Variants in RAB22A observed in about 807,000 individuals in gnomAD.
RAB22A encodes the protein ras-related protein Rab-22A.
Under a neutral mutation model 30.2 loss-of-function variants are expected in RAB22A, and 13 were observed. The ratio of observed to expected loss-of-function variants is 0.43; its 90% confidence interval spans 0.28 to 0.68. RAB22A has a LOEUF of 0.68. Among genes scored for constraint, RAB22A ranks in the 30% least tolerant of loss-of-function variants. The pLI, the probability that RAB22A is intolerant of heterozygous loss-of-function variation, is 0.18. For missense variants in RAB22A, 177 were observed against 246.8 expected (o/e 0.72, Z 1.89); for synonymous variants, 89 against 87.2 (o/e 1.02, Z -0.11).
intron 2 of RAB22A, among the ~76,000 whole-genome samples, chr20:58,336,155 G>A (rs751489117): frequency 6.6e-5 from 10 of 151,962 alleles, no homozygotes; most frequent in African/African-American, 1.2e-4. Context: ...AATTATAGGC[G>A]CCCACCACGA....
Position 58,309,961 on chromosome 20 carries a change from C to G in RAB22A, c.-16C>G, listed in dbSNP as rs754118529. On this transcript the variant is annotated 5_prime_UTR_variant, in exon 1 of 7. Coordinates refer to ENST00000244040, the MANE Select transcript of RAB22A (RefSeq NM_020673.3). ...ACTTAGGGCGGCGGCGGGCCCGCGC[C>G]CCTGGCTCCCGGGCCATGGCGCTGA... 1.7e-4 allele frequency: 212 copies of G among 1,264,152 alleles called. No homozygotes were observed. Among genetic ancestry groups the G allele is most frequent in the Non-Finnish European group, 2.1e-4 (209 of 997,052 alleles). The allele number at this position is 1,264,152 out of a possible 1,614,324, so 78.3% of individuals were successfully genotyped here. A position where few individuals can be genotyped will look rare whatever the true frequency, so the allele number is the denominator to read the frequency against.
At chr20:58,338,461 C>G (rs559212610) in intron 2 of RAB22A, among the ~76,000 whole-genome samples, 2 of 152,324 alleles carry the variant, frequency 1.3e-5, no homozygotes, top group East Asian at 3.9e-4. Context: ...GTGCACCACT[C>G]TGCTTTAAGT....
At position 58,362,440 on chromosome 20, in the gene RAB22A, T is replaced by A. The variant is rs544374195; in HGVS notation, c.*2737T>A. The stretch of plus-strand genomic sequence containing the variant: ...TGAGACATACTCCCATCTATAAACA[T>A]GTTTGGTTTTCTTACGATACAGGGC... On this transcript the variant is annotated 3_prime_UTR_variant, in exon 7 of 7. Coordinates refer to ENST00000244040, the MANE Select transcript of RAB22A (RefSeq NM_020673.3). The A allele has an allele frequency of 5.3e-5, 8 of 152,324 alleles. No homozygotes were observed. The South Asian group carries it at 8.3e-4, about 16-fold the overall frequency. The allele number at this position is 152,324 out of a possible 1,614,324, so 9.4% of individuals were successfully genotyped here.
rs147065307 is a variant in RAB22A, at chr20:58,323,651, T to C, written c.116+12529T>C. Among the ~76,000 whole-genome samples the C allele has an allele frequency of 1.3e-4, 20 of 151,436 alleles. No homozygotes were observed. The South Asian group carries it at 2.9e-3, about 22-fold the overall frequency. On this transcript the variant is annotated intron_variant, in intron 2 of 6. Transcript: ENST00000244040. ...TTTTTTTTTCTTTTTTTTTTTCTTT[T>C]AAGAGACATGGTGTCACTATGTTGT...
Position 58,359,822 on chromosome 20 carries a change from A to AG in RAB22A, c.*121dup, listed in dbSNP as rs1424737942. On this transcript the variant is annotated 3_prime_UTR_variant, in exon 7 of 7. Coordinates refer to ENST00000244040, the MANE Select transcript of RAB22A (RefSeq NM_020673.3). ...AGTCTTGAGTCTTCTCCGTGCAAAA[A>AG]GGATTCACAGAAATGGACCAGTTCT... The AG allele has an allele frequency of 2.0e-5, 16 of 800,424 alleles. No homozygotes were observed. The highest frequency in any genetic ancestry group is 2.5e-5 in the Non-Finnish European group (13 of 515,670). The allele number at this position is 800,424 out of a possible 1,614,324, so 49.6% of individuals were successfully genotyped here.
Position 58,321,758 on chromosome 20 carries a change from ATATAT to A in RAB22A, c.116+10642_116+10646del, listed in dbSNP as rs536583617. Among the ~76,000 whole-genome samples the A allele has an allele frequency of 6.8e-3, 1,037 of 152,160 alleles. 14 individuals carry two copies. The highest frequency in any genetic ancestry group is 0.022 in the African/African-American group (920 of 41,510). On this transcript the variant is annotated intron_variant, in intron 2 of 6. Coordinates refer to ENST00000244040, the MANE Select transcript of RAB22A (RefSeq NM_020673.3). The stretch of plus-strand genomic sequence containing the variant: ...ATATAACATACATGTCATGTATTAT[ATATAT>A]TATATGTATGAATTATATATCTCTT...
At chr20:58,335,706 G>T (rs566705739) in intron 2 of RAB22A, among the ~76,000 whole-genome samples, 2 of 152,224 alleles carry the variant, frequency 1.3e-5, no homozygotes, top group East Asian at 3.9e-4. Context: ...TCCTTGTTTT[G>T]TACGTTTTGA....
chr20:58,317,581 C>T (rs376988710), intron 2 of RAB22A, among the ~76,000 whole-genome samples: 2,181 of 113,362 alleles, frequency 0.019, 24 homozygotes, highest in Middle Eastern at 0.025. Context: ...TTTTTTGAGA[C>T]AGAGTCTCGC....
At position 58,361,817 on chromosome 20, in the gene RAB22A, C is replaced by T. The variant is rs571854289; in HGVS notation, c.*2114C>T. 2.0e-5 allele frequency: 3 copies of T among 151,956 alleles called. No individual in the cohort carries two copies. Among genetic ancestry groups the T allele is most frequent in the Non-Finnish European group, 4.4e-5 (3 of 68,002 alleles). 9.4% of individuals were successfully genotyped at this position (151,956 alleles called of 1,614,324 possible). A position where few individuals can be genotyped will look rare whatever the true frequency, so the allele number is the denominator to read the frequency against. On this transcript the variant is annotated 3_prime_UTR_variant, in exon 7 of 7. Transcript: ENST00000244040. ...TGACCTTCACATTTTTTCCACCACA[C>T]CCACCAGTAGCTGTTGGTGATTGCA...
chr20:58,309,845 C>A lies in RAB22A; in HGVS notation c.-132C>A. ...GCCGGACCTACGGCCGGAGGACGGG[C>A]GGCAGCCGCCTCTGCGCGGACCGGG... On this transcript the variant is annotated 5_prime_UTR_variant, in exon 1 of 7. Transcript: ENST00000244040. 2 of 877,464 alleles carry A rather than the reference C, an allele frequency of 2.3e-6. No homozygotes were observed. Among genetic ancestry groups the A allele is most frequent in the Non-Finnish European group, 3.0e-6 (2 of 658,250 alleles). The allele number at this position is 877,464 out of a possible 1,614,324, so 54.4% of individuals were successfully genotyped here.
At chr20:58,311,233 G>T in intron 2 of RAB22A, 111 bp downstream of exon 2, 1 of 1,015,776 alleles carries the variant, frequency 9.8e-7, no homozygotes, top group Non-Finnish European at 1.5e-6. Flanking sequence ...ATTCTGAGTC[G>T]CTGGTTCGCA....
intron 2 of RAB22A, among the ~76,000 whole-genome samples, chr20:58,341,304 T>A (rs761649981): frequency 6.6e-6 from 1 of 152,194 alleles, no homozygotes; most frequent in South Asian, 2.1e-4. Flanking sequence ...CTAAGACGCA[T>A]GCCCAGCAGA....
At chr20:58,343,363 C>T (rs1986889807) in intron 2 of RAB22A, among the ~76,000 whole-genome samples, 1 of 152,102 alleles carries the variant, frequency 6.6e-6, no homozygotes, top group East Asian at 1.9e-4. Flanking sequence ...GTATACATTC[C>T]TGGACATAGT....
chr20:58,354,949 T>G (rs114100193), intron 6 of RAB22A, among the ~76,000 whole-genome samples: 3,975 of 152,206 alleles, frequency 0.026, 67 homozygotes, highest in African/African-American at 0.047. Flanking sequence ...TCATAATAAC[T>G]GATACAAAGA....
At chr20:58,342,335 C>T (rs1335920114) in intron 2 of RAB22A, among the ~76,000 whole-genome samples, 1 of 152,156 alleles carries the variant, frequency 6.6e-6, no homozygotes, top group Non-Finnish European at 1.5e-5. Context: ...TCCTAATTTA[C>T]CTTCGCTTCC....
chr20:58,322,364 G>C (rs544542413), intron 2 of RAB22A, among the ~76,000 whole-genome samples: 1 of 151,748 alleles, frequency 6.6e-6, no homozygotes, highest in Non-Finnish European at 1.5e-5. Flanking sequence ...AGACCTCCAC[G>C]GTCTAGTACA....
At chr20:58,316,064 C>T (rs1986331174) in intron 2 of RAB22A, among the ~76,000 whole-genome samples, 1 of 152,202 alleles carries the variant, frequency 6.6e-6, no homozygotes, top group Non-Finnish European at 1.5e-5. Context: ...GCTATTCTCT[C>T]TCAGGGCCCT....
At chr20:58,347,567 A>G (rs1986973005) in intron 3 of RAB22A, among the ~76,000 whole-genome samples, 1 of 152,256 alleles carries the variant, frequency 6.6e-6, no homozygotes, top group Non-Finnish European at 1.5e-5. Context: ...ATGTAGTTTT[A>G]TCAGAAAATT....
intron 2 of RAB22A, among the ~76,000 whole-genome samples, chr20:58,338,697 A>G (rs1349184519): frequency 6.6e-5 from 10 of 152,338 alleles, no homozygotes; most frequent in East Asian, 1.9e-4. Flanking sequence ...CTGAGAACCC[A>G]TCAAGTTCTT....
Sources: gnomAD v4.1 joint callset for allele counts (sites outside exome capture counted in the v4.1 genomes callset) on GRCh38, gnomAD v4.1.1 for gene constraint, MANE v1.5 for transcripts, NCBI Gene and HGNC (gene_info 2026-07-23, HGNC 2026-07-21) for gene names.